Variants in PTGES observed in about 807,000 individuals in gnomAD.
PTGES encodes the protein MGST1-like 1.
Under a neutral mutation model 11.8 loss-of-function variants are expected in PTGES, and 3 were observed. That is an observed-to-expected ratio of 0.25 (90% CI 0.12 to 0.66). PTGES has a LOEUF of 0.66. Ranked by LOEUF, PTGES falls within the 30% of genes least tolerant of loss-of-function variation. The pLI is 0.82. For synonymous variants in PTGES, 94 were observed against 90.4 expected (o/e 1.04, Z -0.22); for missense variants, 180 against 213.0 (o/e 0.85, Z 0.96).
At position 129,738,532 on chromosome 9, in the gene PTGES, G is replaced by C. The variant is rs1237181298; in HGVS notation, c.*1079C>G. On this transcript the variant is annotated 3_prime_UTR_variant, in exon 3 of 3. Transcript: ENST00000340607. This position sits in a 1 kb window ranked among gnomAD's most constrained non-coding sequence, Gnocchi z 4.2. The stretch of plus-strand genomic sequence containing the variant: ...TGAAGGGACCAGAAAGTTCCTTTGA[G>C]TGGCTGGTCACCCAAAGCTCCCGGT... 1 of 152,292 alleles carries C rather than the reference G, an allele frequency of 6.6e-6. No individual in the cohort carries two copies. Among genetic ancestry groups the C allele is most frequent in the Non-Finnish European group, 1.5e-5 (1 of 68,184 alleles). 9.4% of individuals were successfully genotyped at this position (152,292 alleles called of 1,614,324 possible).
At position 129,745,767 on chromosome 9, in the gene PTGES, C is replaced by T. The variant is rs531048237; in HGVS notation, c.209+2888G>A. Among the ~76,000 whole-genome samples, 1 of 152,256 alleles carries T rather than the reference C, an allele frequency of 6.6e-6. No homozygotes were observed. The highest frequency in any genetic ancestry group is 2.4e-5 in the African/African-American group (1 of 41,546). On this transcript the variant is annotated intron_variant, in intron 2 of 2. Transcript: ENST00000340607. The surrounding 1 kb of genome is among the most constrained non-coding windows in gnomAD (Gnocchi z 4.2). ...ATTTTGGGCTGGGCGCAATGGCTCA[C>T]GCCTGTAATCCCAGCACTTTGGAAG... is the stretch of plus-strand genomic sequence containing the variant.
chr9:129,750,042 G>C (rs1373592320), intron 1 of PTGES, among the ~76,000 whole-genome samples: 2 of 152,194 alleles, frequency 1.3e-5, no homozygotes, highest in Non-Finnish European at 2.9e-5. Context: ...GGGAGACCTG[G>C]AGAAGCCGCT....
chr9:129,748,357 G>A (rs1833067970), intron 2 of PTGES, among the ~76,000 whole-genome samples: 1 of 152,198 alleles, frequency 6.6e-6, no homozygotes, highest in Non-Finnish European at 1.5e-5. Flanking sequence ...ATTGGCAGGA[G>A]TGTTTGCCCC....
In PTGES at chr9:129,739,561, C is replaced by T. The variant is rs201391253; in HGVS notation, c.*50G>A. 12 of 1,529,034 alleles carry T rather than the reference C, an allele frequency of 7.8e-6. 1 individual carries two copies. The highest frequency in any genetic ancestry group is 2.5e-5 in the East Asian group (1 of 40,708). 94.7% of individuals were successfully genotyped at this position (1,529,034 alleles called of 1,614,324 possible). A position where few individuals can be genotyped will look rare whatever the true frequency, so the allele number is the denominator to read the frequency against. ...AACATCAAGTCCCCAGGTATAGCCA[C>T]GGCGGCTCTTGGCCCATGGTCTGGT... On this transcript the variant is annotated 3_prime_UTR_variant, in exon 3 of 3. Coordinates refer to ENST00000340607, the MANE Select transcript of PTGES (RefSeq NM_004878.5). The surrounding 1 kb of genome is among the most constrained non-coding windows in gnomAD (Gnocchi z 5.7).
intron 1 of PTGES, among the ~76,000 whole-genome samples, chr9:129,749,947 C>T (rs1463819898): frequency 6.6e-6 from 1 of 152,176 alleles, no homozygotes; most frequent in East Asian, 1.9e-4. Context: ...GGCTGAAAAC[C>T]CAGCTCCGCG....
At chr9:129,748,612 G>A in intron 2 of PTGES, 43 bp downstream of exon 2, 3 of 1,471,356 alleles carry the variant, frequency 2.0e-6, no homozygotes, top group African/African-American at 1.5e-5. Flanking sequence ...GAAAGGGCAG[G>A]CCATGGCCAG....
Position 129,753,003 on chromosome 9 carries a change from G to A in PTGES, c.10C>T (p.His4Tyr), listed in dbSNP as rs763241544. MPA[H>Y]SLVMSSPALP... The stretch of plus-strand genomic sequence containing the variant: ...GCCGGGCTGCTCATCACCAGGCTGT[G>A]GGCAGGCATCTCTGGCCAGCGCAGC... The change falls in exon 1 of 3, where the codon CAC (histidine) becomes TAC (tyrosine). Residue 4 changes from histidine (H) to tyrosine (Y), a missense_variant. By Grantham distance (83) the His-to-Tyr change is moderately conservative (BLOSUM62 2). Transcript: ENST00000340607. 1.2e-6 allele frequency: 2 copies of A among 1,605,892 alleles called. No homozygotes were observed. The highest frequency in any genetic ancestry group is 1.3e-5 in the African/African-American group (1 of 74,942).
chr9:129,751,860 C>T (rs1352977760), intron 1 of PTGES, among the ~76,000 whole-genome samples: 1 of 152,210 alleles, frequency 6.6e-6, no homozygotes, highest in Non-Finnish European at 1.5e-5. Context: ...ATGCTCAGCT[C>T]CGGGCCACAT....
At chr9:129,740,037 A>C (rs1832980220) in intron 2 of PTGES, among the ~76,000 whole-genome samples, 177 bp from the exon 3 acceptor site, 1 of 151,902 alleles carries the variant, frequency 6.6e-6, no homozygotes, top group African/African-American at 2.4e-5. Flanking sequence ...AGTCCAGAAG[A>C]AGGCAGCTCC....
intron 2 of PTGES, among the ~76,000 whole-genome samples, chr9:129,744,364 T>C (rs956074522): frequency 6.6e-6 from 1 of 151,868 alleles, no homozygotes; most frequent in Non-Finnish European, 1.5e-5. Flanking sequence ...ATCACTTGGG[T>C]GCTGGAATCA....
intron 2 of PTGES, among the ~76,000 whole-genome samples, chr9:129,747,942 G>A (rs572701728): frequency 1.0e-4 from 15 of 149,482 alleles, no homozygotes; most frequent in Admixed American, 7.4e-4. Flanking sequence ...CTCGGGTGGC[G>A]GAGGTTGCAG....
intron 2 of PTGES, among the ~76,000 whole-genome samples, chr9:129,741,900 C>T (rs1013692779): frequency 6.6e-6 from 1 of 151,764 alleles, no homozygotes; most frequent in African/African-American, 2.4e-5. Context: ...AGGGAAACTC[C>T]CTCTCAAAAA....
At chr9:129,742,146 C>T (rs1833000572) in intron 2 of PTGES, among the ~76,000 whole-genome samples, 1 of 150,934 alleles carries the variant, frequency 6.6e-6, no homozygotes, top group African/African-American at 2.4e-5. Flanking sequence ...GGCAAAATCC[C>T]ATCTCTACTA....
chr9:129,739,305 T>G lies in PTGES; in HGVS notation c.*306A>C. On this transcript the variant is annotated 3_prime_UTR_variant, in exon 3 of 3. Coordinates refer to ENST00000340607, the MANE Select transcript of PTGES (RefSeq NM_004878.5). This position sits in a 1 kb window ranked among gnomAD's most constrained non-coding sequence, Gnocchi z 5.7. ...TTCACTGTTAGGGAGGGAGAGGGAG[T>G]GATGTTTTTGATGCTCTGTTACTTT... The G allele has an allele frequency of 6.0e-6, 2 of 330,702 alleles. No individual in the cohort carries two copies. The highest frequency in any genetic ancestry group is 1.1e-5 in the Non-Finnish European group (2 of 178,522). 20.5% of individuals were successfully genotyped at this position (330,702 alleles called of 1,614,324 possible). A position where few individuals can be genotyped will look rare whatever the true frequency, so the allele number is the denominator to read the frequency against.
At chr9:129,752,541 C>T (rs914697553) in intron 1 of PTGES, among the ~76,000 whole-genome samples, 3 of 152,252 alleles carry the variant, frequency 2.0e-5, no homozygotes, top group African/African-American at 4.8e-5. Context: ...TCAGACCTCC[C>T]GTGCCGGGAA....
chr9:129,743,858 C>CT (rs1289396259), intron 2 of PTGES, among the ~76,000 whole-genome samples: 4 of 151,820 alleles, frequency 2.6e-5, no homozygotes, highest in South Asian at 4.2e-4. Context: ...GTAGGAAGAT[C>CT]TTTTTTTTGA....
At chr9:129,744,553 C>G (rs1214497505) in intron 2 of PTGES, among the ~76,000 whole-genome samples, 1 of 127,250 alleles carries the variant, frequency 7.9e-6, no homozygotes, top group African/African-American at 3.1e-5. Flanking sequence ...GCCTGGGCGA[C>G]AGAGCAAGAC....
intron 1 of PTGES, among the ~76,000 whole-genome samples, chr9:129,751,406 C>T (rs1041396888): frequency 1.1e-4 from 16 of 150,216 alleles, no homozygotes; most frequent in Non-Finnish European, 1.8e-4. Context: ...CAGCCAGGTG[C>T]GGTGGCTCAC....
intron 2 of PTGES, among the ~76,000 whole-genome samples, chr9:129,742,341 A>AC (rs1309681589): frequency 6.6e-6 from 1 of 150,596 alleles, no homozygotes; most frequent in African/African-American, 2.5e-5. Context: ...AAAAAAAAAA[A>AC]AAAAAAAAAC....
Sources: gnomAD v4.1 joint callset for allele counts (sites outside exome capture counted in the v4.1 genomes callset) on GRCh38, gnomAD v4.1.1 for gene constraint, Gnocchi (gnomAD v3.1) non-coding constraint, MANE v1.5 for transcripts, NCBI Gene and HGNC (gene_info 2026-07-23, HGNC 2026-07-21) for gene names.